Variants in NCAM2 observed in about 807,000 individuals in gnomAD.
The protein encoded by NCAM2 is neural cell adhesion molecule 2.
Under a neutral mutation model 98.1 loss-of-function variants are expected in NCAM2, and 30 were observed. That is an observed-to-expected ratio of 0.31 (90% CI 0.23 to 0.41). The LOEUF is 0.41. Among genes scored for constraint, NCAM2 ranks in the 10% least tolerant of loss-of-function variants. The pLI, the probability that NCAM2 is intolerant of heterozygous loss-of-function variation, is 1.00. For synonymous variants in NCAM2, 368 were observed against 342.4 expected (o/e 1.07, Z -0.83); for missense variants, 867 against 1,005.8 (o/e 0.86, Z 1.87).
chr21:21,537,887 A>C lies in NCAM2; in HGVS notation c.2444A>C (p.Asn815Thr). ...GAAGAAGATGGGAAAGAAGCTCTAA[A>C]TCCAGAAACTATAGAAATTAAAGTT... ...LKEEDGKEAL[N>T]PETIEIKVSN... The change falls in exon 18 of 18, where the codon AAT becomes ACT. Residue 815 changes from asparagine to threonine, a missense_variant. Physicochemically the swap from Asn to Thr is moderately conservative, Grantham distance 65. This residue lies in a region of NCAM2 where 125 missense variants were observed against 116.1 expected (regional missense o/e 1.08). Coordinates refer to ENST00000400546, the MANE Select transcript of NCAM2 (RefSeq NM_004540.5). The C allele has an allele frequency of 6.3e-7, 1 of 1,581,304 alleles. No individual in the cohort carries two copies. Among genetic ancestry groups the C allele is most frequent in the Non-Finnish European group, 8.6e-7 (1 of 1,164,540 alleles).
intron 15 of NCAM2, among the ~76,000 whole-genome samples, chr21:21,494,482 T>C (rs2146316845): frequency 6.6e-6 from 1 of 151,304 alleles, no homozygotes; most frequent in Middle Eastern, 3.4e-3. Flanking sequence ...CATGCAAATC[T>C]TTGAAGCTGC....
At chr21:21,210,019 G>C (rs1431452619) in intron 1 of NCAM2, among the ~76,000 whole-genome samples, 2 of 152,190 alleles carry the variant, frequency 1.3e-5, no homozygotes, top group African/African-American at 2.4e-5. Context: ...CATTGTGGAA[G>C]TCAAGAGCTC....
intron 9 of NCAM2, among the ~76,000 whole-genome samples, chr21:21,399,513 CAT>C (rs1317045184): frequency 6.6e-6 from 1 of 152,176 alleles, no homozygotes; most frequent in Non-Finnish European, 1.5e-5. Context: ...ACAATACAAT[CAT>C]AATACAGTTT....
At position 21,188,632 on chromosome 21, in the gene NCAM2, A is replaced by G. The variant is rs79712860; in HGVS notation, c.56-91946A>G. Among the ~76,000 whole-genome samples the G allele has an allele frequency of 0.01, 1,551 of 152,230 alleles. 66 individuals carry two copies. In the East Asian group the frequency reaches 0.16, roughly 15 times the overall value. On this transcript the variant is annotated intron_variant, in intron 1 of 17. Transcript: ENST00000400546. The stretch of plus-strand genomic sequence containing the variant: ...AGAAGTGCTTGATAAATAATTTCAT[A>G]GGGGCCCTTGGATTTTTAAATCATG...
At chr21:21,177,705 C>A (rs1365278970) in intron 1 of NCAM2, among the ~76,000 whole-genome samples, 1 of 151,004 alleles carries the variant, frequency 6.6e-6, no homozygotes, top group Non-Finnish European at 1.5e-5. Flanking sequence ...TACTCTCTTT[C>A]TCTCCCCTCT....
At chr21:21,307,447 T>C (rs2073918369) in intron 5 of NCAM2, among the ~76,000 whole-genome samples, 1 of 152,148 alleles carries the variant, frequency 6.6e-6, no homozygotes, top group South Asian at 2.1e-4. Context: ...TTACAACAAA[T>C]TTTGTGGCTC....
At chr21:21,403,955 C>A (rs1019420889) in intron 9 of NCAM2, among the ~76,000 whole-genome samples, 4 of 151,904 alleles carry the variant, frequency 2.6e-5, no homozygotes, top group African/African-American at 4.8e-5. Context: ...AAAATAAAGT[C>A]ACTATTTAAG....
intron 1 of NCAM2, among the ~76,000 whole-genome samples, chr21:21,195,303 A>G (rs982643426): frequency 1.3e-5 from 2 of 152,234 alleles, no homozygotes; most frequent in African/African-American, 4.8e-5. Flanking sequence ...TCTGAATTTT[A>G]AAAGTATGCC....
At chr21:21,115,989 G>GTGTGTCTGTC (rs796784161) in intron 1 of NCAM2, among the ~76,000 whole-genome samples, 2 of 130,642 alleles carry the variant, frequency 1.5e-5, no homozygotes, top group Admixed American at 8.0e-5. Context: ...GTGTGTGTGT[G>GTGTGTCTGTC]TGTCTGTCTG....
chr21:21,091,890 G>A (rs2146450363), intron 1 of NCAM2, among the ~76,000 whole-genome samples: 1 of 152,122 alleles, frequency 6.6e-6, no homozygotes, highest in East Asian at 1.9e-4. Context: ...CTGTGAAAAT[G>A]TTCACAGCGA....
At chr21:21,445,542 CAT>C (rs891525031) in intron 12 of NCAM2, among the ~76,000 whole-genome samples, 3 of 152,022 alleles carry the variant, frequency 2.0e-5, no homozygotes, top group Non-Finnish European at 4.4e-5. Flanking sequence ...ATATATTTAG[CAT>C]AGTTAGCTCT....
At chr21:21,012,939 CTT>C (rs1470167860) in intron 1 of NCAM2, among the ~76,000 whole-genome samples, 1 of 152,058 alleles carries the variant, frequency 6.6e-6, no homozygotes, top group Admixed American at 6.6e-5. Flanking sequence ...TAATGACAAA[CTT>C]AATCAATTTA....
At chr21:21,159,855 A>C (rs73894485) in intron 1 of NCAM2, among the ~76,000 whole-genome samples, 152 of 151,410 alleles carry the variant, frequency 1.0e-3, no homozygotes, top group African/African-American at 3.4e-3. Flanking sequence ...TTAAACATTT[A>C]TAATGTAAAA....
intron 1 of NCAM2, among the ~76,000 whole-genome samples, chr21:21,195,651 G>T (rs2068977807): frequency 6.6e-6 from 1 of 152,154 alleles, no homozygotes; most frequent in Non-Finnish European, 1.5e-5. Context: ...TTTCTGTTTT[G>T]TAGAAAAGGA....
chr21:21,491,783 T>C (rs577726265), intron 15 of NCAM2, among the ~76,000 whole-genome samples: 54 of 151,610 alleles, frequency 3.6e-4, no homozygotes, highest in African/African-American at 1.3e-3. Flanking sequence ...ATTATACACC[T>C]TTTGAAACAT....
intron 1 of NCAM2, among the ~76,000 whole-genome samples, chr21:21,153,242 A>G (rs1489020487): frequency 1.3e-5 from 2 of 151,280 alleles, no homozygotes; most frequent in Non-Finnish European, 3.0e-5. Context: ...TTACATCTGG[A>G]AGACAATTCC....
rs377003114 is a variant in NCAM2, at chr21:21,352,826, T to TA, written c.1044+14308dup. ...TATAAAAAAAAAAAGATTAGAAAATTAAAAAAAAAAAAAAAAGAAAGTGTT... is the reference window on the plus strand; with the variant it reads ...TATAAAAAAAAAAAGATTAGAAAATTAAAAAAAAAAAAAAAAAGAAAGTGTT... On this transcript the variant is annotated intron_variant, in intron 8 of 17. Transcript: ENST00000400546. 3.0e-3 allele frequency among the ~76,000 whole-genome samples: 403 copies of TA among 135,144 alleles called. 4 individuals are homozygous for TA. The highest frequency in any genetic ancestry group is 5.9e-3 in the African/African-American group (215 of 36,512). The allele number at this position is 135,144 out of a possible 152,430, so 88.7% of individuals were successfully genotyped here.
chr21:21,378,331 T>G (rs2076077876), intron 9 of NCAM2, among the ~76,000 whole-genome samples: 1 of 152,156 alleles, frequency 6.6e-6, no homozygotes, highest in East Asian at 1.9e-4. Context: ...CTACTTCCTC[T>G]TCAGTACTTG....
chr21:21,451,123 A>G (rs1206466177), intron 12 of NCAM2, among the ~76,000 whole-genome samples: 2 of 152,098 alleles, frequency 1.3e-5, no homozygotes, highest in African/African-American at 2.4e-5. Flanking sequence ...GACATCAGTC[A>G]CGCCTCTCTG....
Sources: allele counts gnomAD v4.1 joint callset (sites outside exome capture counted in the v4.1 genomes callset), GRCh38; gene constraint gnomAD v4.1.1; regional missense constraint gnomAD v4.1.1; transcripts MANE v1.5; gene names NCBI Gene and HGNC (gene_info 2026-07-23, HGNC 2026-07-21).